The following LNPK variants were observed in gnomAD, a reference collection of about 807,000 sequenced individuals.
LNPK encodes the protein lunapark, ER junction formation factor.
A neutral mutation model predicts 55.2 loss-of-function variants in LNPK; 29 were observed. The observed-to-expected ratio is 0.53, with a 90% confidence interval of 0.39 to 0.72. LNPK has a LOEUF of 0.72. Among genes scored for constraint, LNPK ranks in the 30% least tolerant of loss-of-function variants. LNPK has a pLI of 0.00. For synonymous variants in LNPK, 162 were observed against 168.2 expected (o/e 0.96, Z 0.29); for missense variants, 467 against 494.8 (o/e 0.94, Z 0.53).
intron 1 of LNPK, among the ~76,000 whole-genome samples, chr2:175,997,065 C>T (rs1194568045): frequency 6.6e-6 from 1 of 152,090 alleles, no homozygotes; most frequent in Non-Finnish European, 1.5e-5. Context: ...ACTCACTCTG[C>T]AAAATTATTC....
chr2:175,938,262 T>C (rs1012601831), intron 11 of LNPK, 51 bp downstream of exon 11: 8 of 1,130,986 alleles, frequency 7.1e-6, no homozygotes, highest in Non-Finnish European at 1.1e-5. Flanking sequence ...TGGCATAGAA[T>C]AAAATATTTA....
At chr2:175,973,819 G>A (rs1454205823) in intron 5 of LNPK, among the ~76,000 whole-genome samples, 3 of 152,112 alleles carry the variant, frequency 2.0e-5, no homozygotes, top group Non-Finnish European at 4.4e-5. Flanking sequence ...ACTCATGTTT[G>A]TTTTTCTGAA....
chr2:175,928,426 A>G lies in LNPK; in HGVS notation c.*1541T>C, dbSNP rs1684105669. 1 of 151,060 alleles carries G rather than the reference A, an allele frequency of 6.6e-6. No individual in the cohort carries two copies. Among genetic ancestry groups the G allele is most frequent in the Admixed American group, 6.6e-5 (1 of 15,072 alleles). The allele number at this position is 151,060 out of a possible 1,614,324, so 9.4% of individuals were successfully genotyped here. ...ATAGGTGACTTGCCCAAGACTACAG[A>G]CCTGAAATTTAAGCCCAATACGGCA... On this transcript the variant is annotated 3_prime_UTR_variant, in exon 13 of 13. Transcript: ENST00000272748.
At chr2:175,995,526 T>C in intron 2 of LNPK, 32 bp downstream of exon 2, 1 of 1,570,746 alleles carries the variant, frequency 6.4e-7, no homozygotes, top group Non-Finnish European at 8.7e-7. Flanking sequence ...TATATTAGAC[T>C]CAAGAACTAG....
chr2:175,944,362 AAC>A (rs1367839037), intron 9 of LNPK, among the ~76,000 whole-genome samples: 5 of 152,182 alleles, frequency 3.3e-5, no homozygotes, highest in East Asian at 3.9e-4. Context: ...GTGGAGGAAT[AAC>A]ACATAAAATT....
intron 8 of LNPK, among the ~76,000 whole-genome samples, chr2:175,955,565 T>G: frequency 6.6e-6 from 1 of 152,226 alleles, no homozygotes; most frequent in East Asian, 1.9e-4. Flanking sequence ...AATTTGATAC[T>G]TATGTAAAGA....
rs1200358365 is a variant in LNPK at position 175,925,666 on chromosome 2, TTTC to T, written c.*4298_*4300del. Reference sequence around the variant, plus strand: ...TGGCGTGGCAGATTCATTTTCTTTCTTTCTTTTTTTTTTTTGAGATGGAGTTTC... The same window carrying T: ...TGGCGTGGCAGATTCATTTTCTTTCTTTTTTTTTTTTTGAGATGGAGTTTC... On this transcript the variant is annotated 3_prime_UTR_variant, in exon 13 of 13. Transcript: ENST00000272748. 2.6e-3 allele frequency: 377 copies of T among 143,374 alleles called. 1 individual carries two copies. The highest frequency in any genetic ancestry group is 8.3e-3 in the African/African-American group (305 of 36,920). 8.9% of individuals were successfully genotyped at this position (143,374 alleles called of 1,614,324 possible).
Position 175,927,626 on chromosome 2 carries a change from CAT to C in LNPK, c.*2339_*2340del, listed in dbSNP as rs1272276970. 1.3e-5 allele frequency: 2 copies of C among 152,106 alleles called. No homozygotes were observed. The highest frequency in any genetic ancestry group is 4.8e-5 in the African/African-American group (2 of 41,406). 9.4% of individuals were successfully genotyped at this position (152,106 alleles called of 1,614,324 possible). A position where few individuals can be genotyped will look rare whatever the true frequency, so the allele number is the denominator to read the frequency against. On this transcript the variant is annotated 3_prime_UTR_variant, in exon 13 of 13. Coordinates refer to ENST00000272748, the MANE Select transcript of LNPK (RefSeq NM_030650.3). ...CCATGTTTGTAGATCATGCTCAGGA[CAT>C]AGAAGAATTTAGATGACCCACTGAA...
At chr2:176,000,529 T>C (rs1477599979) in intron 1 of LNPK, among the ~76,000 whole-genome samples, 5 of 152,196 alleles carry the variant, frequency 3.3e-5, no homozygotes, top group Admixed American at 3.3e-4. Context: ...AAAATTATAT[T>C]AGTTTGTATT....
chr2:175,952,862 CTT>C (rs530220548), intron 8 of LNPK, among the ~76,000 whole-genome samples: 111 of 152,208 alleles, frequency 7.3e-4, no homozygotes, highest in African/African-American at 2.6e-3. Context: ...CATAGCTACT[CTT>C]TATCAAATCC....
upstream of LNPK, chr2:176,002,349 C>G: frequency 2.4e-6 from 1 of 413,552 alleles, no homozygotes; most frequent in South Asian, 1.7e-5. Context: ...CGCCGCTCCC[C>G]CGTCACGTGA....
At position 175,929,425 on chromosome 2, in the gene LNPK, T is replaced by C; in HGVS notation, c.*542A>G. The C allele has an allele frequency of 1.0e-6, 1 of 985,824 alleles. No individual in the cohort carries two copies. The highest frequency in any genetic ancestry group is 1.2e-6 in the Non-Finnish European group (1 of 829,886). 61.1% of individuals were successfully genotyped at this position (985,824 alleles called of 1,614,324 possible). A position where few individuals can be genotyped will look rare whatever the true frequency, so the allele number is the denominator to read the frequency against. On this transcript the variant is annotated 3_prime_UTR_variant, in exon 13 of 13. Transcript: ENST00000272748. ...CTACTTAACTGTTCCACTGCATTCTTATTGAGAATTCGTACCAGTGCCTAT... is the reference window on the plus strand; with the variant it reads ...CTACTTAACTGTTCCACTGCATTCTCATTGAGAATTCGTACCAGTGCCTAT...
Position 175,930,074 on chromosome 2 carries a change from C to CT in LNPK, c.1179dup (p.Glu394ArgfsTer3). 6.2e-7 allele frequency: 1 copy of CT among 1,614,066 alleles called. No individual in the cohort carries two copies. Among genetic ancestry groups the CT allele is most frequent in the Non-Finnish European group, 8.5e-7 (1 of 1,179,970 alleles). On this transcript the variant is annotated frameshift_variant, in exon 13 of 13. Coordinates refer to ENST00000272748, the MANE Select transcript of LNPK (RefSeq NM_030650.3). LOFTEE classifies it high-confidence loss of function. ...ACTGAGGCTTCCTCATTCTCAGTCT[C>CT]TTGTTTCTCCTCTGGTTCCTCTGAG...
intron 8 of LNPK, among the ~76,000 whole-genome samples, chr2:175,962,764 C>T (rs1373399744): frequency 4.0e-5 from 6 of 151,526 alleles, no homozygotes; most frequent in South Asian, 2.1e-4. Context: ...AGACTGAACA[C>T]GCAATCTACA....
intron 1 of LNPK, among the ~76,000 whole-genome samples, chr2:176,000,559 C>T (rs1688123918): frequency 6.6e-6 from 1 of 152,164 alleles, no homozygotes; most frequent in African/African-American, 2.4e-5. Flanking sequence ...ATAGATTGCT[C>T]TCATTTTCTC....
intron 8 of LNPK, among the ~76,000 whole-genome samples, chr2:175,959,013 G>C (rs1196603180): frequency 6.6e-6 from 1 of 152,160 alleles, no homozygotes; most frequent in Non-Finnish European, 1.5e-5. Flanking sequence ...AAGAAGTTTA[G>C]AGAGAAAAGA....
Position 175,979,793 on chromosome 2 carries a change from A to C in LNPK, c.316+17T>G. The C allele has an allele frequency of 6.6e-7, 1 of 1,513,014 alleles. No homozygotes were observed. The highest frequency in any genetic ancestry group is 8.9e-7 in the Non-Finnish European group (1 of 1,122,698). 93.7% of individuals were successfully genotyped at this position (1,513,014 alleles called of 1,614,324 possible). A position where few individuals can be genotyped will look rare whatever the true frequency, so the allele number is the denominator to read the frequency against. ...GTATTTTAAAAAATATTTATTAAAA[A>C]TTGGAATTAAACTTACTATTTCTTT... On this transcript the variant is annotated intron_variant, in intron 5 of 12. Transcript: ENST00000272748.
At chr2:175,960,628 G>T (rs866070105) in intron 8 of LNPK, among the ~76,000 whole-genome samples, 1 of 151,716 alleles carries the variant, frequency 6.6e-6, no homozygotes, top group Non-Finnish European at 1.5e-5. Flanking sequence ...AAATCGACAC[G>T]CTAACAACAC....
intron 8 of LNPK, among the ~76,000 whole-genome samples, chr2:175,951,272 ATGAG>A (rs1218596191): frequency 1.3e-5 from 2 of 151,960 alleles, no homozygotes; most frequent in Non-Finnish European, 2.9e-5. Context: ...GTTCGGTTAC[ATGAG>A]TAAGTTCTTT....
Sources: allele counts gnomAD v4.1 joint callset (sites outside exome capture counted in the v4.1 genomes callset), GRCh38; gene constraint gnomAD v4.1.1; transcripts MANE v1.5; gene names NCBI Gene and HGNC (gene_info 2026-07-23, HGNC 2026-07-21).